Variants in MAP4K5 observed in about 807,000 individuals in gnomAD.
MAP4K5 encodes the protein mitogen-activated protein kinase kinase kinase kinase 5, also known as MAPK/ERK kinase kinase kinase 5.
In MAP4K5, 82 loss-of-function variants were observed where a neutral mutation model predicts 135.6. That is an observed-to-expected ratio of 0.60 (90% CI 0.51 to 0.73). The LOEUF is 0.73. Among genes scored for constraint, MAP4K5 ranks in the 30% least tolerant of loss-of-function variants. The pLI, the probability that MAP4K5 is intolerant of heterozygous loss-of-function variation, is 0.00. For synonymous variants in MAP4K5, 347 were observed against 335.0 expected, an observed-to-expected ratio of 1.04 and a Z score of -0.39; for missense variants, 907 against 1,010.9, an observed-to-expected ratio of 0.90 and a Z score of 1.39.
At chr14:50,446,221 G>A (rs567504209) in intron 16 of MAP4K5, 100 bp from the exon 17 acceptor site, 3 of 691,322 alleles carry the variant, frequency 4.3e-6, no homozygotes, top group South Asian at 4.1e-5. Context: ...CTATACAGAG[G>A]ATGTAAAAGA....
chr14:50,521,995 C>T (rs934404137), intron 2 of MAP4K5, among the ~76,000 whole-genome samples: 7 of 152,114 alleles, frequency 4.6e-5, no homozygotes, highest in African/African-American at 1.7e-4. Context: ...ACAAGTATTG[C>T]TTGTTAATAG....
At chr14:50,515,613 T>C (rs2038019907) in intron 2 of MAP4K5, among the ~76,000 whole-genome samples, 1 of 152,164 alleles carries the variant, frequency 6.6e-6, no homozygotes, top group Non-Finnish European at 1.5e-5. Flanking sequence ...AGAAAAAAAA[T>C]GACAAAATCA....
At chr14:50,440,326 TTTA>T in intron 22 of MAP4K5, 33 bp downstream of exon 22, 1 of 1,350,564 alleles carries the variant, frequency 7.4e-7, no homozygotes, top group South Asian at 1.3e-5. Context: ...ATTCAATTTG[TTTA>T]AATTAATTTC....
intron 2 of MAP4K5, among the ~76,000 whole-genome samples, chr14:50,513,455 AAAAGTT>A (rs2037970716): frequency 6.6e-6 from 1 of 152,220 alleles, no homozygotes; most frequent in African/African-American, 2.4e-5. Context: ...AATGAAAACT[AAAAGTT>A]AATGAAGAAA....
chr14:50,464,765 G>A (rs912686514), intron 11 of MAP4K5, among the ~76,000 whole-genome samples: 8 of 152,158 alleles, frequency 5.3e-5, no homozygotes, highest in African/African-American at 4.8e-5. Flanking sequence ...TGAAATAACC[G>A]TATTTATCAG....
At chr14:50,520,974 C>T (rs1237497627) in intron 2 of MAP4K5, among the ~76,000 whole-genome samples, 1 of 152,078 alleles carries the variant, frequency 6.6e-6, no homozygotes, top group African/African-American at 2.4e-5. Flanking sequence ...AGGCTTCCAC[C>T]ACCACACCCA....
intron 3 of MAP4K5, among the ~76,000 whole-genome samples, chr14:50,490,401 T>C (rs1366558587): frequency 6.6e-6 from 1 of 152,230 alleles, no homozygotes; most frequent in Non-Finnish European, 1.5e-5. Context: ...GGGTTCTAAA[T>C]GATGTTAACA....
chr14:50,549,607 C>G (rs1217303608), intron 1 of MAP4K5, among the ~76,000 whole-genome samples: 1 of 152,162 alleles, frequency 6.6e-6, no homozygotes. Context: ...CATCAAGTGT[C>G]TCACTGCTCT....
chr14:50,429,095 A>G (rs1477875722), intron 29 of MAP4K5, 97 bp downstream of exon 29: 1 of 725,620 alleles, frequency 1.4e-6, no homozygotes, highest in African/African-American at 1.8e-5. Context: ...TAACATTTTT[A>G]GTAAAAACAG....
At chr14:50,463,212 TAATTA>T (rs1265523235) in intron 12 of MAP4K5, among the ~76,000 whole-genome samples, 11 of 152,294 alleles carry the variant, frequency 7.2e-5, no homozygotes, top group African/African-American at 2.6e-4. Context: ...AAGACATATA[TAATTA>T]AATATTGGCA....
intron 8 of MAP4K5, among the ~76,000 whole-genome samples, chr14:50,475,660 C>T (rs1051832805): frequency 1.3e-5 from 2 of 152,146 alleles, no homozygotes; most frequent in African/African-American, 4.8e-5. Context: ...TGAGCTATGA[C>T]TGAATCACTG....
At chr14:50,472,370 T>A (rs1011376903) in intron 9 of MAP4K5, 2 of 152,180 alleles carry the variant, frequency 1.3e-5, no homozygotes, top group African/African-American at 4.8e-5. Context: ...TTATCTGAGT[T>A]ATCTTTGAAA....
chr14:50,478,492 C>G (rs1033953940), intron 6 of MAP4K5, among the ~76,000 whole-genome samples: 1 of 151,970 alleles, frequency 6.6e-6, no homozygotes, highest in Non-Finnish European at 1.5e-5. Flanking sequence ...TAGGTGGAAG[C>G]TGAGGATACT....
At chr14:50,533,333 A>C (rs1478417195), upstream of MAP4K5, 1 of 151,830 alleles carries the variant, frequency 6.6e-6, no homozygotes, top group Non-Finnish European at 1.5e-5. Context: ...CATATTTGGC[A>C]ACATCTCGGT....
At chr14:50,428,380 C>G (rs1377665283) in intron 30 of MAP4K5, among the ~76,000 whole-genome samples, 1 of 152,136 alleles carries the variant, frequency 6.6e-6, no homozygotes, top group African/African-American at 2.4e-5. Flanking sequence ...CTCAGCCTCC[C>G]AAGTAGTTGG....
chr14:50,486,139 A>G lies in MAP4K5; in HGVS notation c.222T>C (p.His74=). The part of the protein sequence containing the change: ...QEIFMVKECK[H]CNIVAYFGSY... ...TCCCAAAGTAGGCAACGATGTTACA[A>G]TGTTTACATTCTTTAACCATAAATA... Residue 74 remains histidine, a synonymous_variant, in exon 4 of 33, where the codon CAT becomes CAC. Transcript: ENST00000682126. The G allele has an allele frequency of 1.4e-6, 2 of 1,424,028 alleles. No homozygotes were observed. The highest frequency in any genetic ancestry group is 2.2e-5 in the Admixed American group (1 of 45,598). 88.2% of individuals were successfully genotyped at this position (1,424,028 alleles called of 1,614,324 possible). A position where few individuals can be genotyped will look rare whatever the true frequency, so the allele number is the denominator to read the frequency against.
chr14:50,421,977 C>T (rs536268078), intron 32 of MAP4K5, among the ~76,000 whole-genome samples: 23 of 151,922 alleles, frequency 1.5e-4, no homozygotes, highest in Middle Eastern at 3.4e-3. Context: ...CTGCAACCTC[C>T]GCCTCCTGGG....
chr14:50,471,659 GC>G (rs1277877482), intron 9 of MAP4K5: 8 of 152,056 alleles, frequency 5.3e-5, no homozygotes, highest in Non-Finnish European at 1.2e-4. Context: ...GGAGAGAAAC[GC>G]TATGAATGTA....
chr14:50,437,894 C>T lies in MAP4K5; in HGVS notation c.1823G>A (p.Arg608Lys), dbSNP rs764814018. 4.5e-6 allele frequency: 7 copies of T among 1,556,588 alleles called. No individual in the cohort carries two copies. The highest frequency in any genetic ancestry group is 1.4e-5 in the African/African-American group (1 of 73,574). The change falls in exon 25 of 33, where the codon AGA becomes AAA. Residue 608 changes from arginine (R) to lysine (K), a missense_variant and splice_region_variant. Physicochemically the swap from Arg to Lys is conservative, Grantham distance 26. Coordinates refer to ENST00000682126, the MANE Select transcript of MAP4K5 (RefSeq NM_006575.6). ...GTAGAATCAAAATGATATTTTGTAC[C>T]TTGGTAGTATTCGGTCTGGAAACCT... ...THRFPDRILP[R>K]KFALTTKIPD...
Sources: allele counts gnomAD v4.1 joint callset (sites outside exome capture counted in the v4.1 genomes callset), GRCh38; gene constraint gnomAD v4.1.1; transcripts MANE v1.5; gene names NCBI Gene and HGNC (gene_info 2026-07-23, HGNC 2026-07-21).